The following PKD2L2 variants were observed in gnomAD, a reference collection of about 807,000 sequenced individuals.
PKD2L2 encodes polycystin 2 like 2, transient receptor potential cation channel.
Under a neutral mutation model 83.9 loss-of-function variants are expected in PKD2L2, and 67 were observed. The observed-to-expected ratio is 0.80, with a 90% CI of 0.66 to 0.98. The LOEUF (loss-of-function observed/expected upper bound fraction) is 0.98. Ranked by LOEUF, PKD2L2 falls within the 50% of genes least tolerant of loss-of-function variation. The pLI is 0.00. For missense variants in PKD2L2, 632 were observed against 717.2 expected, an observed-to-expected ratio of 0.88 and a Z score of 1.36; for synonymous variants, 223 against 237.8, an observed-to-expected ratio of 0.94 and a Z score of 0.57.
chr5:137,913,184 CTTTTTTTTTTTT>C (rs35984179), intron 8 of PKD2L2, among the ~76,000 whole-genome samples: 3 of 104,838 alleles, frequency 2.9e-5, no homozygotes, highest in East Asian at 5.0e-4. Flanking sequence ...CTTCTTTTTT[CTTTTTTTTTTTT>C]TTTTTTTGAG....
At chr5:137,929,534 CAAAAAAAA>C (rs756601170) in intron 12 of PKD2L2, among the ~76,000 whole-genome samples, 27 of 3,442 alleles carry the variant, frequency 7.8e-3, no homozygotes, top group Non-Finnish European at 0.012. Flanking sequence ...ACAAAATTGC[CAAAAAAAA>C]AAAAAAAAAA....
At chr5:137,910,268 AATAAT>A (rs1757715147) in intron 8 of PKD2L2, among the ~76,000 whole-genome samples, 9 of 148,262 alleles carry the variant, frequency 6.1e-5, no homozygotes, top group Non-Finnish European at 8.9e-5. Context: ...TAATAATAAT[AATAAT>A]AAAACTTGGT....
chr5:137,907,894 C>A lies in PKD2L2; in HGVS notation c.1128C>A (p.Ile376=), dbSNP rs1054375892. The part of the protein sequence containing the change: ...IYYNNIIAIT[I]FFAWIKIFKF... ...ACAATAATATAATTGCTATTACCAT[C>A]TTTTTTGCATGGATAAAGGTATTTA... Residue 376 remains isoleucine, a synonymous_variant, in exon 7 of 15, where the codon ATC becomes ATA. Coordinates refer to ENST00000508883, the MANE Select transcript of PKD2L2 (RefSeq NM_001300921.2). 5 of 1,409,874 alleles carry A rather than the reference C, an allele frequency of 3.5e-6. No individual in the cohort carries two copies. Among genetic ancestry groups the A allele is most frequent in the Non-Finnish European group, 4.9e-6 (5 of 1,013,442 alleles). 87.3% of individuals were successfully genotyped at this position (1,409,874 alleles called of 1,614,324 possible).
intron 14 of PKD2L2, chr5:137,940,489 A>AGTTCAATAACCT: frequency 1.6e-6 from 1 of 615,564 alleles, no homozygotes; most frequent in Non-Finnish European, 2.8e-6. Context: ...AAAAAAGGTT[A>AGTTCAATAACCT]TTGAACTAAT....
Position 137,906,352 on chromosome 5 carries a change from C to A in PKD2L2, c.893C>A (p.Thr298Lys). The A allele has an allele frequency of 6.2e-7, 1 of 1,608,402 alleles. No homozygotes were observed. The highest frequency in any genetic ancestry group is 8.5e-7 in the Non-Finnish European group (1 of 1,175,328). The change falls in exon 6 of 15, where the codon ACA becomes AAA. Residue 298 changes from threonine (T) to lysine (K), a missense_variant. Around this residue, in one of 3 missense-constraint regions of PKD2L2, gnomAD observed 399 missense variants for 416.9 expected, o/e 0.96. Coordinates refer to ENST00000508883, the MANE Select transcript of PKD2L2 (RefSeq NM_001300921.2). ...TFCIFLFVFT[T>K]QEVKKIKEFK... ...TGTATTTTTCTTTTTGTCTTCACAA[C>A]ACAAGAAGTCAAAAAAATAAAAGAA...
At chr5:137,892,645 A>C (rs368352814) in intron 3 of PKD2L2, 32 bp downstream of exon 3, 37 of 1,593,354 alleles carry the variant, frequency 2.3e-5, no homozygotes, top group Non-Finnish European at 2.7e-5. Context: ...GATGAAGTAG[A>C]TTTAGGTAGT....
chr5:137,898,186 C>A (rs1756642860), intron 4 of PKD2L2, among the ~76,000 whole-genome samples: 1 of 152,056 alleles, frequency 6.6e-6, no homozygotes, highest in South Asian at 2.1e-4. Context: ...AGGCTGGTCT[C>A]AAACTCCTGG....
Position 137,889,462 on chromosome 5 carries a change from A to C in PKD2L2, c.-30A>C. Reference sequence around the variant, plus strand: ...CGCGCAAGCGCCGCGGCCTCAGGCGAACGAACGGGCGGTGTAGTGCAGGTC... The same window carrying C: ...CGCGCAAGCGCCGCGGCCTCAGGCGCACGAACGGGCGGTGTAGTGCAGGTC... On this transcript the variant is annotated 5_prime_UTR_variant, in exon 1 of 15. Transcript: ENST00000508883. The C allele has an allele frequency of 1.3e-6, 2 of 1,585,606 alleles. No homozygotes were observed.
chr5:137,926,008 T>C lies in PKD2L2; in HGVS notation c.1671+79T>C. On this transcript the variant is annotated intron_variant, in intron 12 of 14. Coordinates refer to ENST00000508883, the MANE Select transcript of PKD2L2 (RefSeq NM_001300921.2). ...CTCACAAAAACGCTCTGGTTAAGAA[T>C]TGAAATGATTTGCTGTTTTTCAGAA... 1.0e-5 allele frequency: 7 copies of C among 689,726 alleles called. No individual in the cohort carries two copies. In the South Asian group the frequency reaches 1.3e-4, roughly 13 times the overall value. The allele number at this position is 689,726 out of a possible 1,614,324, so 42.7% of individuals were successfully genotyped here.
intron 8 of PKD2L2, among the ~76,000 whole-genome samples, chr5:137,912,723 G>T (rs191440161): frequency 6.6e-6 from 1 of 151,470 alleles, no homozygotes; most frequent in East Asian, 1.9e-4. Flanking sequence ...ATATCTATTG[G>T]CCATTTGTGT....
Position 137,899,496 on chromosome 5 carries a change from ATTCTTT to A in PKD2L2, c.525-17_525-12del. On this transcript the variant is annotated splice_polypyrimidine_tract_variant and intron_variant, in intron 4 of 14. Transcript: ENST00000508883. Reference sequence around the variant, plus strand: ...AGTTGGGCTTTGTCATTTCACCATTATTCTTTTTATGTGTAACAGATGGAGATATTC... The same window carrying A: ...AGTTGGGCTTTGTCATTTCACCATTATTATGTGTAACAGATGGAGATATTC... 7.2e-7 allele frequency: 1 copy of A among 1,391,920 alleles called. No individual in the cohort carries two copies. Among genetic ancestry groups the A allele is most frequent in the Non-Finnish European group, 1.0e-6 (1 of 983,772 alleles). 86.2% of individuals were successfully genotyped at this position (1,391,920 alleles called of 1,614,324 possible).
intron 4 of PKD2L2, among the ~76,000 whole-genome samples, chr5:137,895,203 C>A (rs548735291): frequency 6.6e-6 from 1 of 152,078 alleles, no homozygotes; most frequent in Admixed American, 6.5e-5. Context: ...CATGGTGGCT[C>A]ACACCTGTAA....
chr5:137,926,718 C>T (rs1759407031), intron 12 of PKD2L2, among the ~76,000 whole-genome samples: 1 of 152,184 alleles, frequency 6.6e-6, no homozygotes, highest in Non-Finnish European at 1.5e-5. Context: ...TCGCTAATTC[C>T]AGGGCTGGAA....
Position 137,935,158 on chromosome 5 carries a change from T to C in PKD2L2, c.1672-639T>C, listed in dbSNP as rs896038488. On this transcript the variant is annotated intron_variant, in intron 12 of 14. Coordinates refer to ENST00000508883, the MANE Select transcript of PKD2L2 (RefSeq NM_001300921.2). The stretch of plus-strand genomic sequence containing the variant: ...TCCTCTTTACCTTTTTCTAGTGCTA[T>C]GGTTATTTTCCACAACACACAGGCC... 1.1e-4 allele frequency among the ~76,000 whole-genome samples: 17 copies of C among 152,248 alleles called. 2 individuals carry two copies. Among genetic ancestry groups the C allele is most frequent in the Admixed American group, 9.8e-4 (15 of 15,290 alleles).
intron 8 of PKD2L2, among the ~76,000 whole-genome samples, chr5:137,919,123 G>A (rs1183767144): frequency 2.0e-5 from 3 of 152,064 alleles, no homozygotes; most frequent in Non-Finnish European, 4.4e-5. Flanking sequence ...TCTTATTAAT[G>A]ACAAATGGCA....
At chr5:137,918,181 T>C (rs946735043) in intron 8 of PKD2L2, among the ~76,000 whole-genome samples, 2 of 152,250 alleles carry the variant, frequency 1.3e-5, no homozygotes, top group Non-Finnish European at 2.9e-5. Context: ...ATTTTTATAG[T>C]CTGGCTCCAT....
chr5:137,926,772 T>TC (rs773010503), intron 12 of PKD2L2, among the ~76,000 whole-genome samples: 6 of 152,190 alleles, frequency 3.9e-5, no homozygotes, highest in Non-Finnish European at 8.8e-5. Flanking sequence ...ACTGCACAGG[T>TC]CCACTTAAAT....
At chr5:137,934,334 A>G (rs143555365) in intron 12 of PKD2L2, among the ~76,000 whole-genome samples, 29 of 152,332 alleles carry the variant, frequency 1.9e-4, no homozygotes, top group Non-Finnish European at 3.7e-4. Context: ...TTTACTATGC[A>G]TAGTCTATTT....
chr5:137,936,317 T>C lies in PKD2L2; in HGVS notation c.1785-3T>C. The stretch of plus-strand genomic sequence containing the variant: ...ATTCTCTACTTCCTTCGAAATTTTC[T>C]AGACTTTTTTTATATGCTGTGGAGC... On this transcript the variant is annotated splice_region_variant and splice_polypyrimidine_tract_variant and intron_variant, in intron 13 of 14. Coordinates refer to ENST00000508883, the MANE Select transcript of PKD2L2 (RefSeq NM_001300921.2). The C allele has an allele frequency of 1.3e-6, 2 of 1,529,798 alleles. No individual in the cohort carries two copies. Among genetic ancestry groups the C allele is most frequent in the Non-Finnish European group, 1.8e-6 (2 of 1,141,084 alleles). 94.8% of individuals were successfully genotyped at this position (1,529,798 alleles called of 1,614,324 possible). A position where few individuals can be genotyped will look rare whatever the true frequency, so the allele number is the denominator to read the frequency against.
Sources: allele counts gnomAD v4.1 joint callset (sites outside exome capture counted in the v4.1 genomes callset), GRCh38; gene constraint gnomAD v4.1.1; regional missense constraint gnomAD v4.1.1; transcripts MANE v1.5; gene names NCBI Gene and HGNC (gene_info 2026-07-23, HGNC 2026-07-21).